CADM2: variants seen among roughly 807,000 people sequenced by gnomAD.
The protein encoded by CADM2 is cell adhesion molecule 2.
Under a neutral mutation model 49.8 loss-of-function variants are expected in CADM2, and 12 were observed. The ratio of observed to expected loss-of-function variants is 0.24; its 90% CI spans 0.15 to 0.39. CADM2 has a LOEUF of 0.39. CADM2 is among the 10% of genes least tolerant of loss of function. The probability of loss-of-function intolerance (pLI) is 1.00; values close to 1 mark genes in which losing one functional copy is unlikely to be tolerated. For missense variants in CADM2, 378 were observed against 492.3 expected (o/e 0.77, Z 2.20); for synonymous variants, 214 against 175.4 (o/e 1.22, Z -1.74).
At chr3:85,296,880 A>G (rs759193382) in intron 1 of CADM2, among the ~76,000 whole-genome samples, 28 of 152,056 alleles carry the variant, frequency 1.8e-4, no homozygotes, top group Non-Finnish European at 3.4e-4. Context: ...ATGCATGAAA[A>G]CAATGTCCCA....
rs1223683639 is a variant in CADM2 at position 85,293,420 on chromosome 3, C to G, written c.61+333752C>G. Among the ~76,000 whole-genome samples the G allele has an allele frequency of 2.1e-5, 3 of 141,792 alleles. No individual in the cohort carries two copies. The Admixed American group carries it at 2.2e-4, about 10-fold the overall frequency. 93.0% of individuals were successfully genotyped at this position (141,792 alleles called of 152,430 possible). ...TCCAATCAACAGAAAAAGAGGGCAT[C>G]CTCCCTAACTCATTTTATGAGGCCA... On this transcript the variant is annotated intron_variant, in intron 1 of 9. Coordinates refer to ENST00000383699, the MANE Select transcript of CADM2 (RefSeq NM_001167675.2).
intron 1 of CADM2, among the ~76,000 whole-genome samples, chr3:85,146,992 G>A (rs1378422067): frequency 6.6e-6 from 1 of 152,050 alleles, no homozygotes; most frequent in Non-Finnish European, 1.5e-5. Context: ...CATGAGTAAG[G>A]CCGGGCGCAG....
chr3:85,464,670 A>T (rs1213059593), intron 1 of CADM2, among the ~76,000 whole-genome samples: 5 of 152,228 alleles, frequency 3.3e-5, no homozygotes, highest in African/African-American at 1.2e-4. Flanking sequence ...AATTCGTTTC[A>T]TCATATATTA....
intron 1 of CADM2, among the ~76,000 whole-genome samples, chr3:84,999,644 C>G (rs1480424549): frequency 6.6e-6 from 1 of 152,138 alleles, no homozygotes; most frequent in South Asian, 2.1e-4. Context: ...AGAGCATTGC[C>G]TTGTTTGACC....
rs73843645 is a variant in CADM2 at position 85,536,141 on chromosome 3, G to A, written c.62-190381G>A. 5.0e-3 allele frequency among the ~76,000 whole-genome samples: 761 copies of A among 151,986 alleles called. 9 individuals carry two copies. Among genetic ancestry groups the A allele is most frequent in the African/African-American group, 0.018 (728 of 41,478 alleles). On this transcript the variant is annotated intron_variant, in intron 1 of 9. Transcript: ENST00000383699. ...GGAAATAAAGTCATTGTGTGTTTAAGGGATTAACTGATAGAAGAGAAACAC... is the reference window on the plus strand; with the variant it reads ...GGAAATAAAGTCATTGTGTGTTTAAAGGATTAACTGATAGAAGAGAAACAC...
chr3:85,057,306 A>T (rs932188321), intron 1 of CADM2, among the ~76,000 whole-genome samples: 2 of 150,670 alleles, frequency 1.3e-5, no homozygotes, highest in African/African-American at 2.4e-5. Context: ...CATTTTCAGA[A>T]TTTTTTTTTT....
At chr3:85,277,227 G>A (rs2043377768) in intron 1 of CADM2, among the ~76,000 whole-genome samples, 1 of 151,220 alleles carries the variant, frequency 6.6e-6, no homozygotes, top group African/African-American at 2.4e-5. Flanking sequence ...CATAGTAGAA[G>A]AGCTCTAAGA....
chr3:85,995,676 C>T (rs895540824), intron 8 of CADM2, among the ~76,000 whole-genome samples: 7 of 152,176 alleles, frequency 4.6e-5, no homozygotes, highest in African/African-American at 1.7e-4. Flanking sequence ...ATCCTTTCTT[C>T]CAAAATGATT....
chr3:85,106,766 T>C (rs2038242539), intron 1 of CADM2, among the ~76,000 whole-genome samples: 1 of 151,928 alleles, frequency 6.6e-6, no homozygotes, highest in Admixed American at 6.6e-5. Context: ...CAAGGCAGAA[T>C]AGGGAGGGGT....
intron 1 of CADM2, among the ~76,000 whole-genome samples, chr3:85,375,552 TCA>T (rs1305843259): frequency 6.6e-6 from 1 of 152,210 alleles, no homozygotes; most frequent in East Asian, 1.9e-4. Flanking sequence ...CTGTTCCTGC[TCA>T]GTTTGTCTTC....
At chr3:85,804,233 A>G (rs554598578) in intron 3 of CADM2, among the ~76,000 whole-genome samples, 2 of 152,280 alleles carry the variant, frequency 1.3e-5, no homozygotes, top group South Asian at 4.1e-4. Flanking sequence ...TCTGGAAAAA[A>G]ATAGACTTCT....
At chr3:85,205,525 G>A (rs1206387643) in intron 1 of CADM2, among the ~76,000 whole-genome samples, 1 of 151,812 alleles carries the variant, frequency 6.6e-6, no homozygotes, top group Non-Finnish European at 1.5e-5. Flanking sequence ...AGATACAGAA[G>A]TATTAAATTA....
At chr3:85,314,832 A>C (rs2107069739) in intron 1 of CADM2, among the ~76,000 whole-genome samples, 1 of 152,320 alleles carries the variant, frequency 6.6e-6, no homozygotes, top group South Asian at 2.1e-4. Context: ...ATAAATAAAT[A>C]GTTGTTGCAT....
chr3:85,215,240 G>A (rs1019190533), intron 1 of CADM2, among the ~76,000 whole-genome samples: 1 of 151,048 alleles, frequency 6.6e-6, no homozygotes, highest in African/African-American at 2.4e-5. Flanking sequence ...CCCACAGCAT[G>A]TCTAGAAATG....
At chr3:85,321,502 T>C (rs2044612224) in intron 1 of CADM2, among the ~76,000 whole-genome samples, 1 of 152,048 alleles carries the variant, frequency 6.6e-6, no homozygotes, top group Non-Finnish European at 1.5e-5. Flanking sequence ...TTTATTTTAA[T>C]TAGTATTATA....
At chr3:85,813,779 C>T (rs1322793344) in intron 3 of CADM2, among the ~76,000 whole-genome samples, 1 of 151,892 alleles carries the variant, frequency 6.6e-6, no homozygotes, top group East Asian at 1.9e-4. Flanking sequence ...TTCCCAACAC[C>T]ATTTATTAAA....
intron 2 of CADM2, among the ~76,000 whole-genome samples, chr3:85,741,900 A>G (rs976137427): frequency 6.6e-6 from 1 of 152,254 alleles, no homozygotes; most frequent in Non-Finnish European, 1.5e-5. Flanking sequence ...CAGTTGAATT[A>G]TAAGGAATCA....
chr3:85,032,567 C>G (rs887152822), intron 1 of CADM2, among the ~76,000 whole-genome samples: 1 of 152,126 alleles, frequency 6.6e-6, no homozygotes, highest in African/African-American at 2.4e-5. Context: ...TGTGCATTTT[C>G]TCTTCAGTAG....
intron 1 of CADM2, among the ~76,000 whole-genome samples, chr3:85,133,230 G>A (rs2039291144): frequency 6.6e-6 from 1 of 152,288 alleles, no homozygotes; most frequent in East Asian, 1.9e-4. Context: ...TCCACAGTGT[G>A]GATGGGGACC....
Sources: gnomAD v4.1 joint callset for allele counts (sites outside exome capture counted in the v4.1 genomes callset) on GRCh38, gnomAD v4.1.1 for gene constraint, MANE v1.5 for transcripts, NCBI Gene and HGNC (gene_info 2026-07-23, HGNC 2026-07-21) for gene names.